The following CDH17 variants were observed in gnomAD, a reference collection of about 807,000 sequenced individuals.
CDH17 encodes cadherin 17, also known as cadherin-17.
A neutral mutation model predicts 86.3 loss-of-function variants in CDH17; 67 were observed. The observed-to-expected ratio is 0.78, with a 90% CI of 0.64 to 0.95. CDH17 has a LOEUF of 0.95. CDH17 is among the 40% of genes least tolerant of loss of function. The pLI is 0.00. For missense variants in CDH17, 993 were observed against 1,017.6 expected (o/e 0.98, Z 0.33); for synonymous variants, 367 against 366.4 (o/e 1.00, Z -0.02).
intron 12 of CDH17, among the ~76,000 whole-genome samples, chr8:94,155,469 T>G (rs537107884): frequency 6.6e-6 from 1 of 152,206 alleles, no homozygotes; most frequent in Non-Finnish European, 1.5e-5. Flanking sequence ...GCAGCACAGT[T>G]GTCCATATGC....
Position 94,174,275 on chromosome 8 carries a change from G to A in CDH17, c.425-15C>T, listed in dbSNP as rs199972808. 4.1e-4 allele frequency: 620 copies of A among 1,501,868 alleles called. No individual in the cohort carries two copies. The highest frequency in any genetic ancestry group is 5.0e-4 in the Non-Finnish European group (565 of 1,126,760). The allele number at this position is 1,501,868 out of a possible 1,614,324, so 93.0% of individuals were successfully genotyped here. ...GAAGGGCTTTCCTGTTTAACAAGACGTACCCAGAAAAAAAAAAAAAAAGAT... is the reference window on the plus strand; with the variant it reads ...GAAGGGCTTTCCTGTTTAACAAGACATACCCAGAAAAAAAAAAAAAAAGAT... On this transcript the variant is annotated splice_polypyrimidine_tract_variant and intron_variant, in intron 5 of 17. Transcript: ENST00000027335.
At chr8:94,188,608 A>T (rs773633916) in intron 3 of CDH17, among the ~76,000 whole-genome samples, 4 of 152,150 alleles carry the variant, frequency 2.6e-5, no homozygotes, top group Non-Finnish European at 5.9e-5. Flanking sequence ...CTTTAATAGC[A>T]CTTAAGATGG....
At chr8:94,132,850 G>A (rs1012510806) in intron 15 of CDH17, among the ~76,000 whole-genome samples, 1 of 152,124 alleles carries the variant, frequency 6.6e-6, no homozygotes, top group Admixed American at 6.5e-5. Context: ...TGTGTAAGGT[G>A]TAAGGAATGG....
chr8:94,209,341 T>C (rs1423044389), upstream of CDH17, among the ~76,000 whole-genome samples: 1 of 152,226 alleles, frequency 6.6e-6, no homozygotes, highest in Non-Finnish European at 1.5e-5. Flanking sequence ...TGAGCATCAA[T>C]GTCATGTCTG....
Position 94,159,992 on chromosome 8 carries a change from G to A in CDH17, c.1530C>T (p.Thr510=), listed in dbSNP as rs187917035. The A allele has an allele frequency of 1.8e-5, 29 of 1,607,898 alleles. No individual in the cohort carries two copies. Among genetic ancestry groups the A allele is most frequent in the Middle Eastern group, 1.7e-4 (1 of 6,026 alleles). Residue 510 remains threonine (T), a synonymous_variant, in exon 12 of 18, where the codon ACC becomes ACT. Transcript: ENST00000027335. ...LGVDTDPHTN[T]GYVIIKKPLD... is the part of the protein sequence containing the mutation. ...TTACCTTTTTAATTATGACATATCCGGTGTTGGTATGGGGATCTGTGTCAA... is the reference window on the plus strand; with the variant it reads ...TTACCTTTTTAATTATGACATATCCAGTGTTGGTATGGGGATCTGTGTCAA...
At chr8:94,131,393 C>A (rs1202362255) in intron 15 of CDH17, among the ~76,000 whole-genome samples, 1 of 152,172 alleles carries the variant, frequency 6.6e-6, no homozygotes, top group Non-Finnish European at 1.5e-5. Context: ...TTGTGTGTTG[C>A]TGTTCAAAGA....
At chr8:94,152,782 G>C (rs969079940) in intron 12 of CDH17, among the ~76,000 whole-genome samples, 1 of 152,122 alleles carries the variant, frequency 6.6e-6, no homozygotes, top group African/African-American at 2.4e-5. Flanking sequence ...ACTTTGTGCT[G>C]TGTTATCCTA....
At chr8:94,207,463 C>T (rs1814051639) in intron 1 of CDH17, among the ~76,000 whole-genome samples, 1 of 152,214 alleles carries the variant, frequency 6.6e-6, no homozygotes, top group Non-Finnish European at 1.5e-5. Flanking sequence ...AATGATGAAA[C>T]TGGCCTAACC....
chr8:94,215,145 A>G (rs993075830), intron 1 of CDH17, among the ~76,000 whole-genome samples: 5 of 152,216 alleles, frequency 3.3e-5, no homozygotes, highest in African/African-American at 1.2e-4. Flanking sequence ...TCCTAGGTAT[A>G]TAGCCAAGAG....
Position 94,200,532 on chromosome 8 carries a change from C to CTTTTTT in CDH17, c.-20-5828_-20-5827insAAAAAA, listed in dbSNP as rs1387182561. ...TAGATCAGAGGGTTATTATTATTAT[C>CTTTTTT]TTTTGTTTTTTTTTTTTTTTTTTTT... On this transcript the variant is annotated intron_variant, in intron 1 of 17. Coordinates refer to ENST00000027335, the MANE Select transcript of CDH17 (RefSeq NM_004063.4). 2.9e-3 allele frequency among the ~76,000 whole-genome samples: 146 copies of CTTTTTT among 50,236 alleles called. 31 individuals carry two copies. Among genetic ancestry groups the CTTTTTT allele is most frequent in the African/African-American group, 0.01 (134 of 12,800 alleles). The allele number at this position is 50,236 out of a possible 152,430, so 33.0% of individuals were successfully genotyped here.
At chr8:94,162,453 A>G (rs1391478175) in intron 10 of CDH17, among the ~76,000 whole-genome samples, 1 of 152,208 alleles carries the variant, frequency 6.6e-6, no homozygotes, top group Admixed American at 6.5e-5. Context: ...GTTCCTGAGC[A>G]GGATGGCTTC....
intron 11 of CDH17, among the ~76,000 whole-genome samples, chr8:94,160,369 G>A (rs750342211): frequency 7.9e-5 from 12 of 152,100 alleles, no homozygotes; most frequent in Admixed American, 1.3e-4. Flanking sequence ...ACCAAAGAAC[G>A]CAATACCTCA....
chr8:94,170,701 T>C (rs1050758972), intron 8 of CDH17, among the ~76,000 whole-genome samples, 153 bp downstream of exon 8: 1 of 152,196 alleles, frequency 6.6e-6, no homozygotes, highest in East Asian at 1.9e-4. Context: ...GTCAGAATTA[T>C]GTGAAAATTA....
chr8:94,188,079 TGGCATTGGTGGG>T (rs1282641012), intron 3 of CDH17, among the ~76,000 whole-genome samples: 1 of 152,142 alleles, frequency 6.6e-6, no homozygotes, highest in Non-Finnish European at 1.5e-5. Context: ...AGTTGTCCCT[TGGCATTGGTGGG>T]GGCTCATTCC....
At position 94,175,902 on chromosome 8, in the gene CDH17, AT is replaced by A. The variant is rs368886213; in HGVS notation, c.424+638del. Reference sequence around the variant, plus strand: ...GAAAAGCGTTTTTCAACTGGGGGTAATTTTTGAGACAGAATCTCACTCTGTT... The same window carrying A: ...GAAAAGCGTTTTTCAACTGGGGGTAATTTTGAGACAGAATCTCACTCTGTT... On this transcript the variant is annotated intron_variant, in intron 5 of 17. Coordinates refer to ENST00000027335, the MANE Select transcript of CDH17 (RefSeq NM_004063.4). Among the ~76,000 whole-genome samples, 327 of 152,136 alleles carry A rather than the reference AT, an allele frequency of 2.1e-3. No homozygotes were observed. In the Middle Eastern group the frequency reaches 0.037, roughly 17 times the overall value.
Position 94,194,659 on chromosome 8 carries a change from G to A in CDH17, c.27C>T (p.Ser9=). Residue 9 remains serine (S), a synonymous_variant, in exon 2 of 18, where the codon TCC becomes TCT. Transcript: ENST00000027335. ...CCAAATAAAGCATAAGAAGACACAG[G>A]GAGTGAAGATGGGCCTGAAGTATCA... MILQAHLH[S]LCLLMLYLAT... 2 of 1,606,738 alleles carry A rather than the reference G, an allele frequency of 1.2e-6. No individual in the cohort carries two copies. Among genetic ancestry groups the A allele is most frequent in the South Asian group, 1.1e-5 (1 of 90,320 alleles).
upstream of CDH17, among the ~76,000 whole-genome samples, chr8:94,209,153 T>C (rs1056393545): frequency 6.6e-6 from 1 of 152,170 alleles, no homozygotes; most frequent in African/African-American, 2.4e-5. Flanking sequence ...AAGTCCTTTT[T>C]TCCCCCCCAC....
upstream of CDH17, among the ~76,000 whole-genome samples, chr8:94,209,940 A>G (rs551752090): frequency 5.3e-5 from 8 of 152,208 alleles, no homozygotes; most frequent in South Asian, 1.7e-3. Context: ...TTTCAAAAAT[A>G]AAGTGCATAT....
In CDH17 at chr8:94,174,116, G is replaced by C; in HGVS notation, c.569C>G (p.Ser190Cys). 2 of 1,613,740 alleles carry C rather than the reference G, an allele frequency of 1.2e-6. No individual in the cohort carries two copies. Among genetic ancestry groups the C allele is most frequent in the Non-Finnish European group, 8.5e-7 (1 of 1,179,780 alleles). ...CCTGAACTTACCCTCTCGGGTAAGA[G>C]AGATGGCTCCCGTTTTGTTGTTGAT... is the stretch of plus-strand genomic sequence containing the variant. Reference protein sequence around the residue: ...FQINNKTGAISLTREGSQELN... With the variant: ...FQINNKTGAICLTREGSQELN... Residue 190 changes from serine to cysteine, a missense_variant, in exon 6 of 18, where the codon TCT (serine) becomes TGT (cysteine). Physicochemically the swap from Ser to Cys is moderately radical, Grantham distance 112. Transcript: ENST00000027335.
Sources: gnomAD v4.1 joint callset for allele counts (sites outside exome capture counted in the v4.1 genomes callset) on GRCh38, gnomAD v4.1.1 for gene constraint, MANE v1.5 for transcripts, NCBI Gene and HGNC (gene_info 2026-07-23, HGNC 2026-07-21) for gene names.